SLC35B1: variants seen among roughly 807,000 people sequenced by gnomAD.
SLC35B1 encodes ATP/ADP exchanger ER.
In SLC35B1, 27 loss-of-function variants were observed where a neutral mutation model predicts 36.6. The ratio of observed to expected loss-of-function variants is 0.74; its 90% CI spans 0.54 to 1.02. The LOEUF is 1.02. SLC35B1 is among the 50% of genes least tolerant of loss of function. The pLI, the probability that SLC35B1 is intolerant of heterozygous loss-of-function variation, is 0.00. For synonymous variants in SLC35B1, 162 were observed against 152.5 expected (o/e 1.06, Z -0.46); for missense variants, 321 against 383.2 (o/e 0.84, Z 1.35).
In SLC35B1 at chr17:49,705,262, G is replaced by A. The variant is rs780806268; in HGVS notation, c.390C>T (p.Thr130=). 1 of 1,614,092 alleles carries A rather than the reference G, an allele frequency of 6.2e-7. No individual in the cohort carries two copies. Among genetic ancestry groups the A allele is most frequent in the East Asian group, 2.2e-5 (1 of 44,880 alleles). Residue 130 remains threonine (T), a synonymous_variant, in exon 5 of 9, where the codon ACC becomes ACT. Coordinates refer to ENST00000240333, the MANE Select transcript of SLC35B1 (RefSeq NM_005827.4). ...KPIPVMLLGV[T]LLKKKYPLAK... is the part of the protein sequence containing the mutation. ...CCAACGGGTACTTCTTCTTCAAGAGGGTCACCCCAAGGAGCATGACTACAG... is the reference window on the plus strand; with the variant it reads ...CCAACGGGTACTTCTTCTTCAAGAGAGTCACCCCAAGGAGCATGACTACAG...
In SLC35B1 at chr17:49,701,144, G is replaced by T; in HGVS notation, c.*314C>A. ...TCCTCCCTATAATCCTCAGGTTCTT[G>T]GAGGAATCGCCCACTCAACCATGCT... On this transcript the variant is annotated 3_prime_UTR_variant, in exon 9 of 9. Transcript: ENST00000240333. 1 of 269,628 alleles carries T rather than the reference G, an allele frequency of 3.7e-6. No individual in the cohort carries two copies. The highest frequency in any genetic ancestry group is 7.2e-6 in the Non-Finnish European group (1 of 138,708). 16.7% of individuals were successfully genotyped at this position (269,628 alleles called of 1,614,324 possible).
At chr17:49,701,926 CAAAAAAA>C (rs34701118) in intron 8 of SLC35B1, 57 of 255,548 alleles carry the variant, frequency 2.2e-4, no homozygotes, top group Middle Eastern at 9.4e-4. Context: ...CCCATCGCTA[CAAAAAAA>C]AAAAAAAAAA....
At chr17:49,702,780 A>G (rs975342004) in intron 8 of SLC35B1, 78 bp downstream of exon 8, 2 of 1,465,780 alleles carry the variant, frequency 1.4e-6, no homozygotes, top group African/African-American at 1.4e-5. Flanking sequence ...TAAAATATTT[A>G]AACAAATTTC....
chr17:49,703,357 CA>C, intron 6 of SLC35B1, 63 bp from the exon 7 acceptor site: 5 of 871,292 alleles, frequency 5.7e-6, no homozygotes, highest in African/African-American at 3.3e-5. Flanking sequence ...CGCACACACA[CA>C]CACACACACA....
At position 49,706,211 on chromosome 17, in the gene SLC35B1, G is replaced by T. The variant is rs1342412061; in HGVS notation, c.332C>A (p.Pro111Gln). The change falls in exon 3 of 9, where the codon CCA becomes CAA. Residue 111 changes from proline to glutamine, a missense_variant. Coordinates refer to ENST00000240333, the MANE Select transcript of SLC35B1 (RefSeq NM_005827.4). ...SNSALQFVNY[P>Q]TQVLGKSCKP... is the part of the protein sequence containing the mutation. ...CCCACCCTGAGGTTTCACCTGAGTT[G>T]GGTAGTTGACAAACTGTAGTGCTGA... The T allele has an allele frequency of 6.2e-7, 1 of 1,601,448 alleles. No homozygotes were observed. The highest frequency in any genetic ancestry group is 8.5e-7 in the Non-Finnish European group (1 of 1,176,702).
chr17:49,704,566 A>T (rs565128493), intron 5 of SLC35B1, among the ~76,000 whole-genome samples: 6 of 152,278 alleles, frequency 3.9e-5, no homozygotes, highest in African/African-American at 1.4e-4. Flanking sequence ...TGCTCCAGAG[A>T]CCGGATCCTG....
At chr17:49,706,741 T>C (rs745491197) in intron 2 of SLC35B1, among the ~76,000 whole-genome samples, 3 of 152,218 alleles carry the variant, frequency 2.0e-5, no homozygotes, top group African/African-American at 2.4e-5. Flanking sequence ...GAAGACCCAT[T>C]CTCTGAACAT....
rs956338011 is a variant in SLC35B1, at chr17:49,706,084, G to A, written c.339+120C>T. ...TTCTATGGTTCTATACACTCCCAAT[G>A]TCTTACAGGACCGTTATCTTTTTTT... On this transcript the variant is annotated intron_variant, in intron 3 of 8. Transcript: ENST00000240333. The A allele has an allele frequency of 3.0e-6, 4 of 1,345,750 alleles. No homozygotes were observed. The African/African-American group carries it at 4.5e-5, about 15-fold the overall frequency. The allele number at this position is 1,345,750 out of a possible 1,614,324, so 83.4% of individuals were successfully genotyped here. A position where few individuals can be genotyped will look rare whatever the true frequency, so the allele number is the denominator to read the frequency against.
Position 49,707,774 on chromosome 17 carries a change from A to G in SLC35B1, c.60T>C (p.Gly20=), listed in dbSNP as rs140540859. The change falls in exon 1 of 9, where the codon GGT becomes GGC. Residue 20 remains glycine, a synonymous_variant. Coordinates refer to ENST00000240333, the MANE Select transcript of SLC35B1 (RefSeq NM_005827.4). ...CATAGTAAAAATAGCAGACAAAGACACCCAGGAAGCAGAGCGGCAGGCGCA... is the reference window on the plus strand; with the variant it reads ...CATAGTAAAAATAGCAGACAAAGACGCCCAGGAAGCAGAGCGGCAGGCGCA... ...DRLRLPLCFL[G]VFVCYFYYGI... The G allele has an allele frequency of 6.8e-6, 11 of 1,611,972 alleles. No individual in the cohort carries two copies. The African/African-American group carries it at 9.4e-5, about 14-fold the overall frequency.
chr17:49,708,014 C>T (rs1486944614), upstream of SLC35B1: 1 of 1,351,964 alleles, frequency 7.4e-7, no homozygotes, highest in Non-Finnish European at 1.0e-6. Flanking sequence ...TCATGGCTGC[C>T]AAGGGGGAAA....
In SLC35B1 at chr17:49,701,418, T is replaced by C. The variant is rs1567817829; in HGVS notation, c.*40A>G. On this transcript the variant is annotated 3_prime_UTR_variant, in exon 9 of 9. Coordinates refer to ENST00000240333, the MANE Select transcript of SLC35B1 (RefSeq NM_005827.4). ...CAAGAGATGTCACTGTTTGAGATAA[T>C]AACTTAAATATTCTTGATGTGGAGG... The C allele has an allele frequency of 3.3e-6, 5 of 1,503,958 alleles. No homozygotes were observed. The highest frequency in any genetic ancestry group is 2.3e-5 in the East Asian group (1 of 44,366). The allele number at this position is 1,503,958 out of a possible 1,614,324, so 93.2% of individuals were successfully genotyped here.
intron 5 of SLC35B1, among the ~76,000 whole-genome samples, 156 bp from the exon 6 acceptor site, chr17:49,704,382 G>T (rs2073390228): frequency 6.6e-6 from 1 of 152,160 alleles, no homozygotes; most frequent in Admixed American, 6.5e-5. Context: ...GGAAGGTGGG[G>T]AGAGACCATG....
In SLC35B1 at chr17:49,706,346, C is replaced by CAAAAAAAAAAAAAAAAAAAAAAA. The variant is rs61136804; in HGVS notation, c.209-13_209-12insTTTTTTTTTTTTTTTTTTTTTTT. The CAAAAAAAAAAAAAAAAAAAAAAA allele has an allele frequency of 5.5e-6, 4 of 733,610 alleles. No individual in the cohort carries two copies. The highest frequency in any genetic ancestry group is 9.5e-5 in the Admixed American group (1 of 10,498). The allele number at this position is 733,610 out of a possible 1,614,324, so 45.4% of individuals were successfully genotyped here. On this transcript the variant is annotated splice_polypyrimidine_tract_variant and intron_variant, in intron 2 of 8. Transcript: ENST00000240333. ...AAAAAACTGGATCACTGGGAGAAGACAAAAAAAAAAAAAAAAAAAGAAAAG... is the reference window on the plus strand; with the variant it reads ...AAAAAACTGGATCACTGGGAGAAGACAAAAAAAAAAAAAAAAAAAAAAAAAAAAAAAAAAAAAAAAAAGAAAAG...
chr17:49,705,355 G>A, intron 4 of SLC35B1, 74 bp from the exon 5 acceptor site: 1 of 1,429,224 alleles, frequency 7.0e-7, no homozygotes, highest in Non-Finnish European at 9.6e-7. Context: ...TCCCTCCCAG[G>A]AACCAAGAAA....
At chr17:49,706,369 A>AAACAAAAC in intron 2 of SLC35B1, 35 bp from the exon 3 acceptor site, 1 of 1,203,658 alleles carries the variant, frequency 8.3e-7, no homozygotes, top group Non-Finnish European at 1.1e-6. Flanking sequence ...AAAAAAAGAA[A>AAACAAAAC]AGAAAAGAAA....
In SLC35B1 at chr17:49,706,194, G is replaced by A. The variant is rs746854594; in HGVS notation, c.339+10C>T. 1.3e-6 allele frequency: 2 copies of A among 1,594,118 alleles called. No homozygotes were observed. The highest frequency in any genetic ancestry group is 1.1e-5 in the South Asian group (1 of 87,846). ...TCTGAGCCAACCATCATCCCACCCT[G>A]AGGTTTCACCTGAGTTGGGTAGTTG... On this transcript the variant is annotated intron_variant, in intron 3 of 8. Coordinates refer to ENST00000240333, the MANE Select transcript of SLC35B1 (RefSeq NM_005827.4).
At chr17:49,707,145 C>G in intron 1 of SLC35B1, 77 bp from the exon 2 acceptor site, 2 of 1,428,948 alleles carry the variant, frequency 1.4e-6, no homozygotes, top group Non-Finnish European at 2.0e-6. Context: ...TCCCGAGCCA[C>G]TGAAAACTTT....
chr17:49,704,610 A>G (rs1028118880), intron 5 of SLC35B1, among the ~76,000 whole-genome samples: 2 of 152,184 alleles, frequency 1.3e-5, no homozygotes, highest in Non-Finnish European at 2.9e-5. Context: ...TCCTGACTCT[A>G]CCACTTCAAA....
At chr17:49,708,116 G>T, upstream of SLC35B1, 1 of 707,606 alleles carries the variant, frequency 1.4e-6, no homozygotes, top group South Asian at 1.5e-5. Flanking sequence ...CGGCAGCCTC[G>T]AGACTGATCC....
Sources: allele counts gnomAD v4.1 joint callset (sites outside exome capture counted in the v4.1 genomes callset), GRCh38; gene constraint gnomAD v4.1.1; transcripts MANE v1.5; gene names NCBI Gene and HGNC (gene_info 2026-07-23, HGNC 2026-07-21).